ARHGAP20: variants seen among roughly 807,000 people sequenced by gnomAD.
ARHGAP20 encodes Rho GTPase activating protein 20, also known as rho GTPase-activating protein 20.
In ARHGAP20, 34 loss-of-function variants were observed where a neutral mutation model predicts 73.7. The ratio of observed to expected loss-of-function variants is 0.46; its 90% CI spans 0.35 to 0.61. The LOEUF (loss-of-function observed/expected upper bound fraction) is 0.61, where lower values mean the gene tolerates loss of function less well. Among genes scored for constraint, ARHGAP20 ranks in the 20% least tolerant of loss-of-function variants. ARHGAP20 has a pLI of 0.00. For missense variants in ARHGAP20, 1,314 were observed against 1,420.9 expected (o/e 0.92, Z 1.21); for synonymous variants, 523 against 518.2 (o/e 1.01, Z -0.13).
chr11:110,641,564 C>T (rs1036029613), intron 2 of ARHGAP20, among the ~76,000 whole-genome samples: 42 of 152,102 alleles, frequency 2.8e-4, no homozygotes, highest in Admixed American at 2.2e-3. Context: ...CAAAGAGCCT[C>T]GTGAAAATGG....
At chr11:110,648,641 T>C (rs754856554) in intron 2 of ARHGAP20, among the ~76,000 whole-genome samples, 12 of 151,780 alleles carry the variant, frequency 7.9e-5, no homozygotes, top group Non-Finnish European at 1.6e-4. Flanking sequence ...TGCACCACCA[T>C]GCCCAGCTAT....
intron 2 of ARHGAP20, among the ~76,000 whole-genome samples, chr11:110,679,604 G>C (rs1276978247): frequency 8.5e-5 from 13 of 152,104 alleles, no homozygotes; most frequent in Non-Finnish European, 1.8e-4. Context: ...AGTATGCTTA[G>C]AATAATGAAA....
At chr11:110,706,987 C>T (rs774972619) in intron 1 of ARHGAP20, among the ~76,000 whole-genome samples, 33 of 152,066 alleles carry the variant, frequency 2.2e-4, no homozygotes, top group Non-Finnish European at 2.9e-5. Flanking sequence ...ATTCAAGCCC[C>T]AGTATAAGAC....
intron 1 of ARHGAP20, among the ~76,000 whole-genome samples, chr11:110,707,296 T>C (rs369614385): frequency 6.6e-6 from 1 of 152,152 alleles, no homozygotes; most frequent in East Asian, 1.9e-4. Flanking sequence ...ATGATTCTAA[T>C]ATGTGCTTCC....
intron 2 of ARHGAP20, among the ~76,000 whole-genome samples, chr11:110,683,005 T>C (rs1175071068): frequency 1.3e-5 from 2 of 150,502 alleles, no homozygotes; most frequent in African/African-American, 4.9e-5. Flanking sequence ...GATTTAAAAG[T>C]ACCTAGCACA....
At chr11:110,673,260 A>G (rs537917193) in intron 2 of ARHGAP20, among the ~76,000 whole-genome samples, 6 of 152,320 alleles carry the variant, frequency 3.9e-5, no homozygotes, top group Admixed American at 2.0e-4. Flanking sequence ...AGTCCACAAC[A>G]TAAGTGGGAA....
Position 110,708,120 on chromosome 11 carries a change from T to G in ARHGAP20, c.105+4007A>C, listed in dbSNP as rs561747325. 3.3e-5 allele frequency among the ~76,000 whole-genome samples: 5 copies of G among 152,106 alleles called. No homozygotes were observed. In the South Asian group the frequency reaches 1.0e-3, roughly 32 times the overall value. On this transcript the variant is annotated intron_variant, in intron 1 of 14. Transcript: ENST00000683387. ...AAATATTTAGACACTTCACCAAAGA[T>G]AACATATGGATGAAAAATAAGCACG...
At chr11:110,596,734 G>A (rs74749869) in intron 9 of ARHGAP20, among the ~76,000 whole-genome samples, 18,144 of 151,992 alleles carry the variant, frequency 0.12, 1,379 homozygotes, top group African/African-American at 0.21. Context: ...TCAGTATGGC[G>A]ATTCCTCAGG....
chr11:110,637,323 C>T (rs1948988575), intron 2 of ARHGAP20, among the ~76,000 whole-genome samples: 1 of 151,990 alleles, frequency 6.6e-6, no homozygotes, highest in Non-Finnish European at 1.5e-5. Context: ...ATCTGGATAA[C>T]CTTAAAGCCT....
At chr11:110,691,161 C>A in intron 1 of ARHGAP20, 1 of 487,840 alleles carries the variant, frequency 2.0e-6, no homozygotes, top group Non-Finnish European at 3.5e-6. Flanking sequence ...TTTTTTAAAA[C>A]TGTAACTTCA....
chr11:110,630,845 C>A, intron 2 of ARHGAP20, 53 bp from the exon 3 acceptor site: 1 of 1,549,764 alleles, frequency 6.5e-7, no homozygotes, highest in South Asian at 1.2e-5. Context: ...TATAGTTGGT[C>A]AAGAACTACA....
intron 2 of ARHGAP20, among the ~76,000 whole-genome samples, chr11:110,668,150 A>C (rs1375189617): frequency 1.3e-5 from 2 of 152,202 alleles, no homozygotes; most frequent in African/African-American, 4.8e-5. Context: ...CTTCCGTGAA[A>C]GAAAGTCAAT....
Position 110,579,431 on chromosome 11 carries a change from G to A in ARHGAP20, c.3515C>T (p.Pro1172Leu), listed in dbSNP as rs890758539. ...SSWTLEDATS[P>L]DSGPTVVCDI... ...GCAGACCACTGTAGGCCCTGAGTCT[G>A]GGCTGGTCGCATCCTCTAGAGTCCA... Residue 1172 changes from proline (P) to leucine (L), a missense_variant, in exon 15 of 15, where the codon CCA (proline) becomes CTA (leucine). This residue lies in a region of ARHGAP20 where 641 missense variants were observed against 636.9 expected (regional missense o/e 1.01). Coordinates refer to ENST00000683387, the MANE Select transcript of ARHGAP20 (RefSeq NM_001384657.1). The A allele has an allele frequency of 1.9e-6, 3 of 1,613,656 alleles. No individual in the cohort carries two copies. Among genetic ancestry groups the A allele is most frequent in the Non-Finnish European group, 1.7e-6 (2 of 1,179,730 alleles).
chr11:110,601,663 T>C (rs1440708121), intron 9 of ARHGAP20, among the ~76,000 whole-genome samples: 1 of 152,152 alleles, frequency 6.6e-6, no homozygotes, highest in Non-Finnish European at 1.5e-5. Context: ...AAGAATAATA[T>C]GTAATAACAC....
chr11:110,646,519 C>A (rs1949196967), intron 2 of ARHGAP20, among the ~76,000 whole-genome samples: 1 of 151,976 alleles, frequency 6.6e-6, no homozygotes, highest in South Asian at 2.1e-4. Flanking sequence ...AAATTTTGAG[C>A]ACATTCCTGT....
Position 110,592,086 on chromosome 11 carries a change from G to A in ARHGAP20, c.1034C>T (p.Thr345Ile). 3 of 1,614,148 alleles carry A rather than the reference G, an allele frequency of 1.9e-6. No homozygotes were observed. The highest frequency in any genetic ancestry group is 2.5e-6 in the Non-Finnish European group (3 of 1,179,984). The change falls in exon 10 of 15, where the codon ACT becomes ATT. Residue 345 changes from threonine (T) to isoleucine (I), a missense_variant. This residue lies in a region of ARHGAP20 where 443 missense variants were observed against 466.4 expected (regional missense o/e 0.95). Transcript: ENST00000683387. ...CGATGAGGGCAAGTTGTCCAGGTGAGTGCTAGAACCTCGCCAGAAGGCCCA... is the reference window on the plus strand; with the variant it reads ...CGATGAGGGCAAGTTGTCCAGGTGAATGCTAGAACCTCGCCAGAAGGCCCA... The part of the protein sequence containing the change: ...INWAFWRGSS[T>I]HLDNLPSSPT...
intron 1 of ARHGAP20, among the ~76,000 whole-genome samples, chr11:110,695,795 A>G (rs1386517723): frequency 6.6e-6 from 1 of 151,654 alleles, no homozygotes; most frequent in Non-Finnish European, 1.5e-5. Context: ...TTACCATACG[A>G]TCCTGCAATT....
chr11:110,661,663 T>G (rs1949615041), intron 2 of ARHGAP20, among the ~76,000 whole-genome samples: 1 of 152,124 alleles, frequency 6.6e-6, no homozygotes, highest in South Asian at 2.1e-4. Flanking sequence ...TCACATTTAT[T>G]TAGCATAACA....
intron 7 of ARHGAP20, 63 bp downstream of exon 7, chr11:110,611,246 C>G: frequency 9.0e-7 from 1 of 1,112,480 alleles, no homozygotes; most frequent in Non-Finnish European, 1.3e-6. Flanking sequence ...AAGGAAAATA[C>G]TTACATAAAT....
Sources: allele counts gnomAD v4.1 joint callset (sites outside exome capture counted in the v4.1 genomes callset), GRCh38; gene constraint gnomAD v4.1.1; regional missense constraint gnomAD v4.1.1; transcripts MANE v1.5; gene names NCBI Gene and HGNC (gene_info 2026-07-23, HGNC 2026-07-21).